The following GALNT13 variants were observed in gnomAD, a reference collection of about 807,000 sequenced individuals.
GALNT13 encodes UDP-GalNAc:polypeptide N-acetylgalactosaminyltransferase 13.
Under a neutral mutation model 64.2 loss-of-function variants are expected in GALNT13, and 28 were observed. The ratio of observed to expected loss-of-function variants is 0.44; its 90% CI spans 0.32 to 0.60. The LOEUF (loss-of-function observed/expected upper bound fraction) is 0.60. GALNT13 is among the 20% of genes least tolerant of loss of function. GALNT13 has a pLI of 0.05. For missense variants in GALNT13, 577 were observed against 669.8 expected (o/e 0.86, Z 1.53); for synonymous variants, 214 against 224.6 (o/e 0.95, Z 0.42).
intron 4 of GALNT13, among the ~76,000 whole-genome samples, chr2:154,204,351 T>C (rs541731299): frequency 6.6e-6 from 1 of 152,318 alleles, no homozygotes; most frequent in East Asian, 1.9e-4. Flanking sequence ...TATTACTATA[T>C]TTCTAAATCT....
At chr2:153,712,855 C>A in the GALNT13 span, among the ~76,000 whole-genome samples, 2 of 152,184 alleles carry the variant, frequency 1.3e-5, no homozygotes, top group Non-Finnish European at 2.9e-5. Flanking sequence ...GCAAAGCTAT[C>A]TGTGTCCCAT....
intron 3 of GALNT13, among the ~76,000 whole-genome samples, chr2:154,001,344 G>T (rs1424218074): frequency 1.3e-5 from 2 of 151,588 alleles, no homozygotes; most frequent in African/African-American, 4.8e-5. Context: ...ATTTTCTGTT[G>T]TTCTTTTTTT....
intron 11 of GALNT13, among the ~76,000 whole-genome samples, chr2:154,414,485 A>T (rs1466071852): frequency 6.8e-6 from 1 of 147,724 alleles, no homozygotes; most frequent in Non-Finnish European, 1.5e-5. Context: ...TTATAATCGC[A>T]GTGGCCAACC....
At chr2:153,859,935 T>G in the GALNT13 span, among the ~76,000 whole-genome samples, 2 of 152,206 alleles carry the variant, frequency 1.3e-5, no homozygotes, top group Admixed American at 1.3e-4. Flanking sequence ...GTGAAATTCA[T>G]AATTTACATG....
chr2:153,094,567 C>T, the GALNT13 span, among the ~76,000 whole-genome samples: 39 of 152,268 alleles, frequency 2.6e-4, no homozygotes, highest in Non-Finnish European at 5.1e-4. Context: ...CAAAAAAGAG[C>T]CCGCATTGCC....
chr2:153,133,193 C>A, the GALNT13 span, among the ~76,000 whole-genome samples: 1 of 152,074 alleles, frequency 6.6e-6, no homozygotes, highest in Admixed American at 6.6e-5. Context: ...AGTCACACAA[C>A]GAATACTTCA....
intron 9 of GALNT13, among the ~76,000 whole-genome samples, chr2:154,393,562 G>C (rs1296093100): frequency 6.6e-6 from 1 of 152,164 alleles, no homozygotes; most frequent in East Asian, 1.9e-4. Context: ...TCACCAAAAT[G>C]TTAAGATAGC....
chr2:153,301,877 T>TGTG, the GALNT13 span, among the ~76,000 whole-genome samples: 1 of 146,060 alleles, frequency 6.8e-6, no homozygotes, highest in African/African-American at 2.5e-5. Context: ...GTATTCCACT[T>TGTG]TGTGTGTGTG....
intron 4 of GALNT13, among the ~76,000 whole-genome samples, chr2:154,156,066 A>G (rs907237325): frequency 3.3e-5 from 5 of 150,658 alleles, no homozygotes; most frequent in African/African-American, 1.2e-4. Context: ...TATGTCTTTT[A>G]TTTGTGAGTT....
At chr2:153,992,781 G>A (rs973912238) in intron 3 of GALNT13, among the ~76,000 whole-genome samples, 1 of 152,112 alleles carries the variant, frequency 6.6e-6, no homozygotes, top group Non-Finnish European at 1.5e-5. Flanking sequence ...GAACAAAAAA[G>A]CAGAAAACCA....
chr2:153,399,227 T>C, the GALNT13 span, among the ~76,000 whole-genome samples: 2 of 150,636 alleles, frequency 1.3e-5, no homozygotes, highest in African/African-American at 4.9e-5. Flanking sequence ...AAAGATCAGA[T>C]AGTTGTAGAT....
the GALNT13 span, among the ~76,000 whole-genome samples, chr2:153,501,614 G>C: frequency 5.3e-5 from 8 of 152,236 alleles, 1 homozygote; most frequent in South Asian, 1.7e-3. Context: ...TTACAGGCAT[G>C]AGCCTCCGCA....
At chr2:154,075,881 AT>A (rs1700963145) in intron 3 of GALNT13, among the ~76,000 whole-genome samples, 2 of 151,694 alleles carry the variant, frequency 1.3e-5, no homozygotes, top group African/African-American at 2.4e-5. Context: ...TGTGTCAGTC[AT>A]TGCTCTAAGT....
chr2:153,399,485 A>T, the GALNT13 span, among the ~76,000 whole-genome samples: 4 of 151,940 alleles, frequency 2.6e-5, no homozygotes, highest in Admixed American at 2.6e-4. Flanking sequence ...CTTGATGGGG[A>T]TGGCATTGAA....
chr2:154,285,655 C>A (rs1692222858), intron 8 of GALNT13, among the ~76,000 whole-genome samples: 1 of 152,092 alleles, frequency 6.6e-6, no homozygotes, highest in African/African-American at 2.4e-5. Flanking sequence ...AAATGTGATG[C>A]TCAAGCTTTG....
chr2:153,315,417 C>G, the GALNT13 span, among the ~76,000 whole-genome samples: 1 of 152,196 alleles, frequency 6.6e-6, no homozygotes, highest in Non-Finnish European at 1.5e-5. Context: ...AGGAGCCCCA[C>G]TTTCTAATAC....
In GALNT13 at chr2:154,166,182, A is replaced by G. The variant is rs577665890; in HGVS notation, c.311+25677A>G. On this transcript the variant is annotated intron_variant, in intron 4 of 12. Coordinates refer to ENST00000392825, the MANE Select transcript of GALNT13 (RefSeq NM_052917.4). ...CACTTTGGGAGGCTGAGGCGGGTGG[A>G]TCACCTGAGTTCGGGAGTTTGAGAC... 3.3e-5 allele frequency among the ~76,000 whole-genome samples: 5 copies of G among 152,280 alleles called. No homozygotes were observed. In the South Asian group the frequency reaches 8.3e-4, roughly 25 times the overall value.
chr2:153,320,054 A>G, the GALNT13 span, among the ~76,000 whole-genome samples: 1 of 152,330 alleles, frequency 6.6e-6, no homozygotes, highest in South Asian at 2.1e-4. Flanking sequence ...AAAAATACAT[A>G]TAACTGGGTT....
chr2:154,365,335 T>A (rs547191370), intron 9 of GALNT13, among the ~76,000 whole-genome samples: 2 of 152,288 alleles, frequency 1.3e-5, no homozygotes, highest in South Asian at 4.1e-4. Flanking sequence ...TACCCTTCAA[T>A]TTAAACCAGA....
Sources: allele counts gnomAD v4.1 joint callset (sites outside exome capture counted in the v4.1 genomes callset), GRCh38; gene constraint gnomAD v4.1.1; transcripts MANE v1.5; gene names NCBI Gene and HGNC (gene_info 2026-07-23, HGNC 2026-07-21).